Variants in E2F2 observed in about 807,000 individuals in gnomAD.
E2F2 encodes E2F transcription factor 2.
A neutral mutation model predicts 42.2 loss-of-function variants in E2F2; 22 were observed. The ratio of observed to expected loss-of-function variants is 0.52; its 90% CI spans 0.37 to 0.74. The LOEUF (loss-of-function observed/expected upper bound fraction) is 0.74, where lower values mean the gene tolerates loss of function less well. Ranked by LOEUF, E2F2 falls within the 30% of genes least tolerant of loss-of-function variation. The pLI is 0.00. For missense variants in E2F2, 481 were observed against 557.8 expected (o/e 0.86, Z 1.39); for synonymous variants, 248 against 251.6 (o/e 0.99, Z 0.13).
intron 1 of E2F2, among the ~76,000 whole-genome samples, chr1:23,528,373 G>A (rs566249168): frequency 6.6e-4 from 100 of 152,318 alleles, no homozygotes; most frequent in Non-Finnish European, 1.3e-3. Flanking sequence ...CCCAGGGTTG[G>A]GTTTGGAGCT....
chr1:23,520,847 C>A, intron 4 of E2F2, 66 bp downstream of exon 4: 1 of 1,436,182 alleles, frequency 7.0e-7, no homozygotes. Flanking sequence ...TGAATCAACT[C>A]AGGATAGATA....
chr1:23,517,681 A>C (rs1643051418), intron 5 of E2F2, among the ~76,000 whole-genome samples: 1 of 152,232 alleles, frequency 6.6e-6, no homozygotes, highest in African/African-American at 2.4e-5. Flanking sequence ...CAATCGTGTA[A>C]TCATGCCAAA....
At position 23,531,221 on chromosome 1, in the gene E2F2, T is replaced by C. The variant is rs2124280248; in HGVS notation, c.-428A>G. On this transcript the variant is annotated 5_prime_UTR_variant, in exon 1 of 7. Transcript: ENST00000361729. ...TCCTTGCGGCTCGCTCTCTAGTCCTTGAGTCTTTCTCTGCCTCTTTTTTTT... is the reference window on the plus strand; with the variant it reads ...TCCTTGCGGCTCGCTCTCTAGTCCTCGAGTCTTTCTCTGCCTCTTTTTTTT... 1.1e-5 allele frequency: 2 copies of C among 182,522 alleles called. No homozygotes were observed. Among genetic ancestry groups the C allele is most frequent in the East Asian group, 1.4e-4 (1 of 7,232 alleles). The allele number at this position is 182,522 out of a possible 1,614,324, so 11.3% of individuals were successfully genotyped here.
In E2F2 at chr1:23,506,486, A is replaced by G. The variant is rs1206856593; in HGVS notation, c.*3394T>C. On this transcript the variant is annotated 3_prime_UTR_variant, in exon 7 of 7. Coordinates refer to ENST00000361729, the MANE Select transcript of E2F2 (RefSeq NM_004091.4). Reference sequence around the variant, plus strand: ...ATTATCTCAATACAAGGAGGCTTACATGGTGCTCATAAAGACACGACCAGG... The same window carrying G: ...ATTATCTCAATACAAGGAGGCTTACGTGGTGCTCATAAAGACACGACCAGG... 2.6e-5 allele frequency: 4 copies of G among 152,300 alleles called. No individual in the cohort carries two copies. Among genetic ancestry groups the G allele is most frequent in the Admixed American group, 1.3e-4 (2 of 15,288 alleles). The allele number at this position is 152,300 out of a possible 1,614,324, so 9.4% of individuals were successfully genotyped here. A position where few individuals can be genotyped will look rare whatever the true frequency, so the allele number is the denominator to read the frequency against.
chr1:23,512,627 T>G (rs1241502879), intron 6 of E2F2, among the ~76,000 whole-genome samples: 2 of 152,066 alleles, frequency 1.3e-5, no homozygotes, highest in Non-Finnish European at 2.9e-5. Context: ...TTAGAAGCAG[T>G]AACTGATAAA....
chr1:23,523,364 C>G (rs1228073923), intron 2 of E2F2, among the ~76,000 whole-genome samples: 1 of 152,142 alleles, frequency 6.6e-6, no homozygotes, highest in Non-Finnish European at 1.5e-5. Context: ...ACCACGTTGG[C>G]CAGGCTGGTC....
In E2F2 at chr1:23,510,085, G is replaced by T; in HGVS notation, c.1109C>A (p.Ala370Asp). 6.2e-7 allele frequency: 1 copy of T among 1,607,540 alleles called. No homozygotes were observed. Among genetic ancestry groups the T allele is most frequent in the Admixed American group, 1.7e-5 (1 of 58,800 alleles). Residue 370 changes from alanine to aspartate, a missense_variant, in exon 7 of 7, where the codon GCT (alanine) becomes GAT (aspartate). Coordinates refer to ENST00000361729, the MANE Select transcript of E2F2 (RefSeq NM_004091.4). ...CGGCAGCTCCAGCAGGCTGTCAGTA[G>T]CCTCCAAGGGGACCAGGGATGGAGG... ...PPPPSLVPLE[A>D]TDSLLELPHP...
At chr1:23,522,672 T>C (rs554940670) in intron 2 of E2F2, among the ~76,000 whole-genome samples, 1 of 152,328 alleles carries the variant, frequency 6.6e-6, no homozygotes, top group African/African-American at 2.4e-5. Context: ...TTTCTTCCCA[T>C]GTGAATCACA....
chr1:23,517,820 C>T (rs1643054371), intron 5 of E2F2, among the ~76,000 whole-genome samples: 2 of 152,100 alleles, frequency 1.3e-5, no homozygotes, highest in Admixed American at 6.6e-5. Context: ...GGATGAATAG[C>T]GGTAAATCAG....
downstream of E2F2, among the ~76,000 whole-genome samples, chr1:23,505,547 C>A (rs1422867935): frequency 6.6e-6 from 1 of 152,034 alleles, no homozygotes; most frequent in Admixed American, 6.6e-5. Context: ...GAGTCTCGCT[C>A]TGTTGCCCAG....
At chr1:23,511,529 C>T (rs143680341) in intron 6 of E2F2, among the ~76,000 whole-genome samples, 355 of 152,304 alleles carry the variant, frequency 2.3e-3, no homozygotes, top group African/African-American at 8.3e-3. Context: ...AGCCACCACA[C>T]CCAACCTGCT....
At chr1:23,516,272 TAGAAG>T in intron 6 of E2F2, 58 bp downstream of exon 6, 1 of 1,411,690 alleles carries the variant, frequency 7.1e-7, no homozygotes, top group South Asian at 1.7e-5. Context: ...AACATTGATA[TAGAAG>T]AGAAAACTAA....
At position 23,521,947 on chromosome 1, in the gene E2F2, G is replaced by C; in HGVS notation, c.468C>G (p.Asn156Lys). 6.2e-7 allele frequency: 1 copy of C among 1,614,198 alleles called. No homozygotes were observed. The highest frequency in any genetic ancestry group is 8.5e-7 in the Non-Finnish European group (1 of 1,180,034). ...GCACGTCCAGCACCTCAGCGGCCCA[G>C]TTCAGGTCCAGGACCCCATCCTCTG... The part of the protein sequence containing the change: ...SESEDGVLDL[N>K]WAAEVLDVQK... Residue 156 changes from asparagine (N) to lysine (K), a missense_variant, in exon 3 of 7, where the codon AAC (asparagine) becomes AAG (lysine). Transcript: ENST00000361729.
At chr1:23,520,550 C>G (rs1643120464) in intron 4 of E2F2, among the ~76,000 whole-genome samples, 1 of 152,002 alleles carries the variant, frequency 6.6e-6, no homozygotes, top group South Asian at 2.1e-4. Context: ...TAGAGACCAG[C>G]CTGGGCAACA....
Position 23,508,128 on chromosome 1 carries a change from G to A in E2F2, c.*1752C>T, listed in dbSNP as rs1451023901. The A allele has an allele frequency of 6.6e-6, 1 of 152,214 alleles. No homozygotes were observed. Among genetic ancestry groups the A allele is most frequent in the Non-Finnish European group, 1.5e-5 (1 of 68,070 alleles). The allele number at this position is 152,214 out of a possible 1,614,324, so 9.4% of individuals were successfully genotyped here. On this transcript the variant is annotated 3_prime_UTR_variant, in exon 7 of 7. Transcript: ENST00000361729. ...AATTAGCCCTGCTTATAGAGTGGGG[G>A]CAGCTGTGACCCGCTGACCACTCCT...
chr1:23,528,113 G>A (rs1643279933), intron 1 of E2F2, among the ~76,000 whole-genome samples: 2 of 152,214 alleles, frequency 1.3e-5, no homozygotes, highest in South Asian at 2.1e-4. Flanking sequence ...TCCTGCAGGC[G>A]TGAAAGAGAA....
rs1558253218 is a variant in E2F2, at chr1:23,524,091, ACAACAACAACAAC to A, written c.358+279_358+291del. 3.6e-4 allele frequency among the ~76,000 whole-genome samples: 44 copies of A among 122,980 alleles called. 2 individuals are homozygous for A. Among genetic ancestry groups the A allele is most frequent in the South Asian group, 5.5e-4 (2 of 3,628 alleles). The allele number at this position is 122,980 out of a possible 152,430, so 80.7% of individuals were successfully genotyped here. ...CTGTCTCACAACAACAACAACAACAACAACAACAACAACAAAAAAAAACACAGAAGTAATGCAA... is the reference window on the plus strand; with the variant it reads ...CTGTCTCACAACAACAACAACAACAAAAAAAAAAACACAGAAGTAATGCAA... On this transcript the variant is annotated intron_variant, in intron 2 of 6. Transcript: ENST00000361729.
rs183643474 is a variant in E2F2 at position 23,510,050 on chromosome 1, G to A, written c.1144C>T (p.Leu382=). Residue 382 remains leucine, a synonymous_variant, in exon 7 of 7, where the codon CTG becomes TTG. Coordinates refer to ENST00000361729, the MANE Select transcript of E2F2 (RefSeq NM_004091.4). ...DSLLELPHPL[L]QQTEDQFLSP... ...AGGAACTGGTCCTCAGTCTGCTGCA[G>A]GAGTGGGTGCGGCAGCTCCAGCAGG... 7 of 1,612,632 alleles carry A rather than the reference G, an allele frequency of 4.3e-6. No homozygotes were observed. The Admixed American group carries it at 1.0e-4, about 23-fold the overall frequency.
intron 2 of E2F2, 46 bp from the exon 3 acceptor site, chr1:23,522,102 C>G: frequency 1.3e-6 from 2 of 1,577,872 alleles, no homozygotes; most frequent in South Asian, 2.2e-5. Flanking sequence ...GGGGAGGGCC[C>G]GCCCAGGACC....
Sources: gnomAD v4.1 joint callset for allele counts (sites outside exome capture counted in the v4.1 genomes callset) on GRCh38, gnomAD v4.1.1 for gene constraint, MANE v1.5 for transcripts, NCBI Gene and HGNC (gene_info 2026-07-23, HGNC 2026-07-21) for gene names.